Variants in LARP4 observed in about 807,000 individuals in gnomAD.
LARP4 encodes la-related protein 4.
A neutral mutation model predicts 92.9 loss-of-function variants in LARP4; 29 were observed. That is an observed-to-expected ratio of 0.31 (90% CI 0.23 to 0.43). The LOEUF is 0.43. LARP4 is among the 20% of genes least tolerant of loss of function. LARP4 has a pLI of 1.00. For missense variants in LARP4, 732 were observed against 860.0 expected (o/e 0.85, Z 1.86); for synonymous variants, 279 against 284.1 (o/e 0.98, Z 0.18).
rs1956240282 is a variant in LARP4 at position 50,467,044 on chromosome 12, G to C, written c.1469G>C (p.Ser490Thr). ...TCAAATTTTCCACCTTTACCTGGAA[G>C]TTCATCAAGAATGCCAGGTGAACTC... is the stretch of plus-strand genomic sequence containing the variant. ...LASNFPPLPG[S>T]SSRMPGELVL... Residue 490 changes from serine (S) to threonine (T), a missense_variant, in exon 13 of 16, where the codon AGT becomes ACT. Ser to Thr is a moderately conservative substitution (Grantham distance 58). Coordinates refer to ENST00000398473, the MANE Select transcript of LARP4 (RefSeq NM_052879.5). 1 of 1,613,778 alleles carries C rather than the reference G, an allele frequency of 6.2e-7. No homozygotes were observed. The highest frequency in any genetic ancestry group is 2.2e-5 in the East Asian group (1 of 44,862).
At chr12:50,446,003 CTTTT>C (rs71441367) in intron 8 of LARP4, among the ~76,000 whole-genome samples, 2 of 126,944 alleles carry the variant, frequency 1.6e-5, no homozygotes, top group Non-Finnish European at 3.3e-5. Flanking sequence ...TTTCTTTTTT[CTTTT>C]TTTTTTTTTT....
intron 4 of LARP4, among the ~76,000 whole-genome samples, chr12:50,432,071 G>A (rs1438815543): frequency 6.6e-6 from 1 of 152,152 alleles, no homozygotes; most frequent in African/African-American, 2.4e-5. Context: ...AGGATGTGGA[G>A]TATGCAGTAA....
At chr12:50,426,734 T>G (rs1034039685) in intron 1 of LARP4, among the ~76,000 whole-genome samples, 61 of 89,018 alleles carry the variant, frequency 6.9e-4, no homozygotes, top group African/African-American at 4.7e-3. Context: ...TGTGTGTGGT[T>G]TTTTTTTTTT....
At chr12:50,420,418 T>C (rs1947545279) in intron 1 of LARP4, among the ~76,000 whole-genome samples, 1 of 152,196 alleles carries the variant, frequency 6.6e-6, no homozygotes, top group Admixed American at 6.5e-5. Context: ...AGAGCAGTTG[T>C]GGAGAGTGAA....
intron 4 of LARP4, among the ~76,000 whole-genome samples, chr12:50,434,279 G>A (rs1950098346): frequency 6.6e-6 from 1 of 151,830 alleles, no homozygotes; most frequent in South Asian, 2.1e-4. Flanking sequence ...TGAATAGCAA[G>A]GTGTGAATTT....
intron 1 of LARP4, among the ~76,000 whole-genome samples, chr12:50,410,384 G>A (rs1694525171): frequency 1.3e-5 from 2 of 150,636 alleles, no homozygotes; most frequent in Non-Finnish European, 1.5e-5. Context: ...TCTGTTAGAC[G>A]TCTATTAATA....
chr12:50,449,623 T>C (rs1244768839), intron 8 of LARP4, among the ~76,000 whole-genome samples: 1 of 152,196 alleles, frequency 6.6e-6, no homozygotes, highest in African/African-American at 2.4e-5. Flanking sequence ...CTAGCTGCTA[T>C]GCTCATTGGT....
chr12:50,456,025 C>T (rs1008589184), intron 10 of LARP4, among the ~76,000 whole-genome samples: 33 of 152,234 alleles, frequency 2.2e-4, no homozygotes, highest in African/African-American at 7.7e-4. Flanking sequence ...GCACTCCAGC[C>T]TGGGTGACGG....
chr12:50,464,547 A>C (rs189606741), intron 12 of LARP4, among the ~76,000 whole-genome samples: 1 of 152,048 alleles, frequency 6.6e-6, no homozygotes, highest in East Asian at 1.9e-4. Context: ...ACCTGCCACC[A>C]CGTCTGGCTA....
chr12:50,437,980 A>G (rs1950678708), intron 6 of LARP4, 142 bp downstream of exon 6: 1 of 543,852 alleles, frequency 1.8e-6, no homozygotes, highest in African/African-American at 1.9e-5. Flanking sequence ...TTACTGTGAA[A>G]AGGTTAAATA....
intron 2 of LARP4, among the ~76,000 whole-genome samples, chr12:50,428,228 A>G (rs1949110290): frequency 6.6e-6 from 1 of 151,904 alleles, no homozygotes; most frequent in African/African-American, 2.4e-5. Flanking sequence ...GGGTTTCACC[A>G]TATTGGCCAG....
At chr12:50,474,579 C>G (rs1381928258) in intron 15 of LARP4, among the ~76,000 whole-genome samples, 1 of 152,114 alleles carries the variant, frequency 6.6e-6, no homozygotes, top group African/African-American at 2.4e-5. Flanking sequence ...AATCTCCTGA[C>G]CTCGTGATCC....
rs541481133 is a variant in LARP4, at chr12:50,462,351, G to A, written c.1335-231G>A. ...CAAAATTAGCTGGGTGTGGCAACAC[G>A]TGCCTGTAATTCCAGCTACTCAGCA... is the stretch of plus-strand genomic sequence containing the variant. On this transcript the variant is annotated intron_variant, in intron 11 of 15. Transcript: ENST00000398473. Among the ~76,000 whole-genome samples the A allele has an allele frequency of 5.3e-5, 8 of 152,042 alleles. No individual in the cohort carries two copies. The South Asian group carries it at 1.2e-3, about 24-fold the overall frequency.
chr12:50,434,623 T>C (rs1203769943), intron 4 of LARP4, among the ~76,000 whole-genome samples: 1 of 150,960 alleles, frequency 6.6e-6, no homozygotes, highest in African/African-American at 2.4e-5. Flanking sequence ...GCCAGGTTGG[T>C]CTTGAGCTCT....
chr12:50,455,545 CT>C (rs1954065790), intron 10 of LARP4, among the ~76,000 whole-genome samples: 1 of 152,174 alleles, frequency 6.6e-6, no homozygotes, highest in East Asian at 1.9e-4. Context: ...CTAATTATTT[CT>C]TTTGGAAAGG....
At chr12:50,475,308 C>T (rs1480621492) in intron 15 of LARP4, among the ~76,000 whole-genome samples, 8 of 152,136 alleles carry the variant, frequency 5.3e-5, no homozygotes, top group Non-Finnish European at 1.0e-4. Flanking sequence ...TTATAAACAA[C>T]GCTGACATGA....
Position 50,475,811 on chromosome 12 carries a change from G to A in LARP4, c.2122G>A (p.Val708Met), listed in dbSNP as rs1447985139. ...QFSHRAIPQGVTRRNGKEQYV... is the reference protein window; with the variant it reads ...QFSHRAIPQGMTRRNGKEQYV... ...TAGCCATAGGGCTATACCTCAGGGA[G>A]TGACTCGACGTAATGGCAAAGAGCA... The change falls in exon 16 of 16, where the codon GTG becomes ATG. Residue 708 changes from valine to methionine, a missense_variant. Around this residue, in one of 7 missense-constraint regions of LARP4, gnomAD observed 115 missense variants for 129.1 expected, o/e 0.89. Transcript: ENST00000398473. 1 of 1,614,144 alleles carries A rather than the reference G, an allele frequency of 6.2e-7. No homozygotes were observed. The highest frequency in any genetic ancestry group is 1.3e-5 in the African/African-American group (1 of 75,050).
At chr12:50,408,398 T>C (rs1262811561) in intron 1 of LARP4, among the ~76,000 whole-genome samples, 1 of 151,958 alleles carries the variant, frequency 6.6e-6, no homozygotes, top group Non-Finnish European at 1.5e-5. Context: ...GGATTCTCCA[T>C]GTTGGTCAGG....
intron 1 of LARP4, among the ~76,000 whole-genome samples, chr12:50,409,590 A>G (rs992761652): frequency 6.6e-6 from 1 of 151,852 alleles, no homozygotes; most frequent in African/African-American, 2.4e-5. Context: ...GCAAAACCCC[A>G]TCTCTACCAA....
Sources: gnomAD v4.1 joint callset for allele counts (sites outside exome capture counted in the v4.1 genomes callset) on GRCh38, gnomAD v4.1.1 for gene constraint, gnomAD v4.1.1 regional missense constraint, MANE v1.5 for transcripts, NCBI Gene and HGNC (gene_info 2026-07-23, HGNC 2026-07-21) for gene names.